ESRP2: variants seen among roughly 807,000 people sequenced by gnomAD.
ESRP2 encodes RNA binding motif protein 35A.
Under a neutral mutation model 78.6 loss-of-function variants are expected in ESRP2, and 48 were observed. The ratio of observed to expected loss-of-function variants is 0.61; its 90% CI spans 0.48 to 0.78. ESRP2 has a LOEUF of 0.78. Among genes scored for constraint, ESRP2 ranks in the 30% least tolerant of loss-of-function variants. ESRP2 has a pLI of 0.00. For missense variants in ESRP2, 863 were observed against 965.9 expected (o/e 0.89, Z 1.41); for synonymous variants, 383 against 406.7 (o/e 0.94, Z 0.70).
In ESRP2 at chr16:68,233,629, CGAA is replaced by C. The variant is rs941033872; in HGVS notation, c.556+136_556+138del. 66 of 754,392 alleles carry C rather than the reference CGAA, an allele frequency of 8.7e-5. No homozygotes were observed. In the African/African-American group the frequency reaches 1.1e-3, roughly 13 times the overall value. The allele number at this position is 754,392 out of a possible 1,614,324, so 46.7% of individuals were successfully genotyped here. ...TTCCAAACTCATCCTAGCACAGACA[CGAA>C]GACACAGTACACTCAGGGACTTAGC... On this transcript the variant is annotated intron_variant, in intron 4 of 14. Coordinates refer to ENST00000473183, the MANE Select transcript of ESRP2 (RefSeq NM_024939.3).
In ESRP2 at chr16:68,231,409, G is replaced by T. The variant is rs1487164608; in HGVS notation, c.1513-33C>A. ...CACCATCTTGTGAGCAGTTTGTCAT[G>T]TGTAAGAGTGCCTTACCCCTAACAC... On this transcript the variant is annotated intron_variant, in intron 11 of 14. Transcript: ENST00000473183. This position sits in a 1 kb window ranked among gnomAD's most constrained non-coding sequence, Gnocchi z 6.0. 3.1e-6 allele frequency: 5 copies of T among 1,613,960 alleles called. No homozygotes were observed. The South Asian group carries it at 5.5e-5, about 18-fold the overall frequency.
chr16:68,230,739 T>A, intron 13 of ESRP2, 102 bp downstream of exon 13: 1 of 1,497,574 alleles, frequency 6.7e-7, no homozygotes, highest in Non-Finnish European at 9.1e-7. Context: ...TACTCCCTTG[T>A]CATCTCAAGG....
In ESRP2 at chr16:68,232,605, G is replaced by C; in HGVS notation, c.793C>G (p.Arg265Gly). 6.2e-7 allele frequency: 1 copy of C among 1,614,106 alleles called. No homozygotes were observed. The highest frequency in any genetic ancestry group is 8.5e-7 in the Non-Finnish European group (1 of 1,180,032). The change falls in exon 7 of 15, where the codon CGC becomes GGC. Residue 265 changes from arginine to glycine, a missense_variant. Transcript: ENST00000473183. This position sits in a 1 kb window ranked among gnomAD's most constrained non-coding sequence, Gnocchi z 5.2. ...PWQSSDQDVARFFKGLNVARG... is the reference protein window; with the variant it reads ...PWQSSDQDVAGFFKGLNVARG... ...GCCACGTTGAGCCCTTTGAAGAAGCGAGCCACGTCCTGGTCTGATGACTGC... is the reference window on the plus strand; with the variant it reads ...GCCACGTTGAGCCCTTTGAAGAAGCCAGCCACGTCCTGGTCTGATGACTGC...
At chr16:68,233,642 C>A in intron 4 of ESRP2, 126 bp downstream of exon 4, 1 of 777,464 alleles carries the variant, frequency 1.3e-6, no homozygotes, top group Non-Finnish European at 2.2e-6. Flanking sequence ...AGACACAGTA[C>A]ACTCAGGGAC....
chr16:68,233,849 A>G lies in ESRP2; in HGVS notation c.475T>C (p.Tyr159His), dbSNP rs768485482. The change falls in exon 4 of 15, where the codon TAT (tyrosine) becomes CAT (histidine). Residue 159 changes from tyrosine to histidine, a missense_variant. Coordinates refer to ENST00000473183, the MANE Select transcript of ESRP2 (RefSeq NM_024939.3). ...ATATGGAATTCTCTTCGGAGGTCAT[A>G]GAAGGAGAAGAACATGTCGGGGAGC... is the stretch of plus-strand genomic sequence containing the variant. Reference protein sequence around the residue: ...LVLPDMFFSFYDLRREFHMQH... With the variant: ...LVLPDMFFSFHDLRREFHMQH... 1 of 1,614,122 alleles carries G rather than the reference A, an allele frequency of 6.2e-7. No individual in the cohort carries two copies. The highest frequency in any genetic ancestry group is 1.7e-5 in the Admixed American group (1 of 60,030).
intron 2 of ESRP2, chr16:68,234,488 G>A (rs1237979049): frequency 5.7e-6 from 1 of 176,022 alleles, no homozygotes; most frequent in Non-Finnish European, 1.2e-5. Context: ...GACAGGTGGG[G>A]GAGGCCCAGG....
At position 68,232,579 on chromosome 16, in the gene ESRP2, G is replaced by A. The variant is rs555698764; in HGVS notation, c.819C>T (p.Ala273=). 2 of 1,614,046 alleles carry A rather than the reference G, an allele frequency of 1.2e-6. No individual in the cohort carries two copies. The highest frequency in any genetic ancestry group is 4.5e-5 in the East Asian group (2 of 44,850). The part of the protein sequence containing the change: ...VARFFKGLNV[A]RGGVALCLNA... ...CCCACCCACCCTGCCACACCCACCT[G>A]GCCACGTTGAGCCCTTTGAAGAAGC... The change falls in exon 7 of 15, where the codon GCC becomes GCT. Residue 273 remains alanine, a splice_region_variant and synonymous_variant. Transcript: ENST00000473183. This position sits in a 1 kb window ranked among gnomAD's most constrained non-coding sequence, Gnocchi z 5.2.
In ESRP2 at chr16:68,231,826, C is replaced by T. The variant is rs1163925156; in HGVS notation, c.1275G>A (p.Arg425=). The change falls in exon 10 of 15, where the codon CGG becomes CGA. Residue 425 remains arginine (R), a synonymous_variant. Transcript: ENST00000473183. The surrounding 1 kb of genome is among the most constrained non-coding windows in gnomAD (Gnocchi z 6.0). ...MLGKRYIELF[R]STAAEVQQVL... is the part of the protein sequence containing the mutation. ...CCTGCTGCACTTCGGCTGCAGTGCT[C>T]CGGAAGAGTTCAATGTATCGCTTAC... is the stretch of plus-strand genomic sequence containing the variant. 6.2e-7 allele frequency: 1 copy of T among 1,612,584 alleles called. No individual in the cohort carries two copies. Among genetic ancestry groups the T allele is most frequent in the South Asian group, 1.1e-5 (1 of 91,040 alleles).
chr16:68,232,047 G>A lies in ESRP2; in HGVS notation c.1054C>T (p.Leu352=). The change falls in exon 10 of 15, where the codon CTG becomes TTG. Residue 352 remains leucine, a synonymous_variant. Transcript: ENST00000473183. This position sits in a 1 kb window ranked among gnomAD's most constrained non-coding sequence, Gnocchi z 5.2. ...CCAGCCGAGAAGGGCAGTCCCCGCA[G>A]CCGCAGGATCACTTGGTCTTCCCGT... ...LSREDQVILR[L]RGLPFSAGPT... is the part of the protein sequence containing the mutation. 6.2e-7 allele frequency: 1 copy of A among 1,614,036 alleles called. No individual in the cohort carries two copies. The highest frequency in any genetic ancestry group is 8.5e-7 in the Non-Finnish European group (1 of 1,179,986).
rs560034093 is a variant in ESRP2, at chr16:68,236,091, G to GGCGC, written c.-50_-47dup. On this transcript the variant is annotated 5_prime_UTR_variant, in exon 1 of 15. Coordinates refer to ENST00000473183, the MANE Select transcript of ESRP2 (RefSeq NM_024939.3). This position sits in a 1 kb window ranked among gnomAD's most constrained non-coding sequence, Gnocchi z 5.2. ...CTCGGCCAGACACGCGGACCGACGA[G>GGCGC]GCGCACGCACGCACCGACCGACCGC... 3.5e-5 allele frequency: 48 copies of GGCGC among 1,390,790 alleles called. No individual in the cohort carries two copies. The African/African-American group carries it at 5.8e-4, about 17-fold the overall frequency. 86.2% of individuals were successfully genotyped at this position (1,390,790 alleles called of 1,614,324 possible).
rs761396911 is a variant in ESRP2 at position 68,231,034 on chromosome 16, A to G, written c.1712-7T>C. On this transcript the variant is annotated splice_polypyrimidine_tract_variant and splice_region_variant and intron_variant, in intron 12 of 14. Coordinates refer to ENST00000473183, the MANE Select transcript of ESRP2 (RefSeq NM_024939.3). The surrounding 1 kb of genome is among the most constrained non-coding windows in gnomAD (Gnocchi z 6.0). ...TAGGTAGGTGGTGAGAGGCCTAGAG[A>G]CGGAAGTAGAAAGTGCATGTGCACG... The G allele has an allele frequency of 1.9e-6, 3 of 1,588,104 alleles. No homozygotes were observed. The highest frequency in any genetic ancestry group is 4.5e-5 in the East Asian group (2 of 44,674).
intron 2 of ESRP2, 52 bp from the exon 3 acceptor site, chr16:68,234,159 G>T (rs756883739): frequency 5.7e-6 from 8 of 1,406,424 alleles, no homozygotes; most frequent in Non-Finnish European, 6.9e-6. Flanking sequence ...AGCTGGGCAG[G>T]CAGGAAGTGA....
intron 5 of ESRP2, 138 bp downstream of exon 5, chr16:68,233,189 A>C: frequency 1.6e-6 from 1 of 637,232 alleles, no homozygotes; most frequent in Non-Finnish European, 2.7e-6. Flanking sequence ...ACAGAGGGAG[A>C]CTGTCTCAAA....
chr16:68,231,162 C>T lies in ESRP2; in HGVS notation c.1711+16G>A. The stretch of plus-strand genomic sequence containing the variant: ...TACCACAGGCCTCCTCCTCCCCTAG[C>T]CCCTAGGGCACTCACAGGGCAGCTT... On this transcript the variant is annotated intron_variant, in intron 12 of 14. Coordinates refer to ENST00000473183, the MANE Select transcript of ESRP2 (RefSeq NM_024939.3). The surrounding 1 kb of genome is among the most constrained non-coding windows in gnomAD (Gnocchi z 6.0). The T allele has an allele frequency of 2.5e-6, 4 of 1,612,752 alleles. No individual in the cohort carries two copies. The highest frequency in any genetic ancestry group is 3.4e-6 in the Non-Finnish European group (4 of 1,179,802).
Position 68,231,686 on chromosome 16 carries a change from G to T in ESRP2, c.1308C>A (p.Asn436Lys). 1 of 1,604,882 alleles carries T rather than the reference G, an allele frequency of 6.2e-7. No homozygotes were observed. The highest frequency in any genetic ancestry group is 8.5e-7 in the Non-Finnish European group (1 of 1,173,628). ...STAAEVQQVL[N>K]RYASGPLLPT... ...GAAGGAGTGGGCCGGATGCATAGCG[G>T]TTCAAGACCTAGTAAGGAAGGCAGC... Residue 436 changes from asparagine (N) to lysine (K), a missense_variant, in exon 11 of 15, where the codon AAC becomes AAA. Asn to Lys is a moderately conservative substitution (Grantham distance 94, BLOSUM62 0). Transcript: ENST00000473183. The surrounding 1 kb of genome is among the most constrained non-coding windows in gnomAD (Gnocchi z 6.0).
rs772273995 is a variant in ESRP2, at chr16:68,235,616, A to C, written c.327+18T>G. ...GTCCTCACGTCCAGGCCATGCCGCC[A>C]CCCACCCCGGCGCTCACCTGCTGCA... On this transcript the variant is annotated intron_variant, in intron 2 of 14. Coordinates refer to ENST00000473183, the MANE Select transcript of ESRP2 (RefSeq NM_024939.3). The surrounding 1 kb of genome is among the most constrained non-coding windows in gnomAD (Gnocchi z 5.5). The C allele has an allele frequency of 2.5e-6, 4 of 1,596,238 alleles. No individual in the cohort carries two copies. In the Admixed American group the frequency reaches 6.7e-5, roughly 27 times the overall value.
In ESRP2 at chr16:68,236,030, G is replaced by A; in HGVS notation, c.16C>T (p.Pro6Ser). Residue 6 changes from proline to serine, a missense_variant, in exon 1 of 15, where the codon CCG becomes TCG. Pro to Ser is a moderately conservative substitution (Grantham distance 74, BLOSUM62 -1). Coordinates refer to ENST00000473183, the MANE Select transcript of ESRP2 (RefSeq NM_024939.3). This position sits in a 1 kb window ranked among gnomAD's most constrained non-coding sequence, Gnocchi z 5.2. Reference sequence around the variant, plus strand: ...TCAGGGCCCGGGGGAGGGGGCGGCGGCGGCGGCGGAGTCATGGCCGCAGAG... The same window carrying A: ...TCAGGGCCCGGGGGAGGGGGCGGCGACGGCGGCGGAGTCATGGCCGCAGAG... MTPPPPPPPPPGPDPA... is the reference protein window; with the variant it reads MTPPPSPPPPPGPDPA... The A allele has an allele frequency of 6.9e-7, 1 of 1,457,938 alleles. No individual in the cohort carries two copies. The highest frequency in any genetic ancestry group is 9.0e-7 in the Non-Finnish European group (1 of 1,116,112). The allele number at this position is 1,457,938 out of a possible 1,614,324, so 90.3% of individuals were successfully genotyped here. A position where few individuals can be genotyped will look rare whatever the true frequency, so the allele number is the denominator to read the frequency against.
chr16:68,234,105 G>A lies in ESRP2; in HGVS notation c.330C>T (p.Phe110=). ...AEPLDKVLQQ[F]SQLVNGDVAL... is the part of the protein sequence containing the mutation. ...CCACATCCCCGTTCACCAGCTGTGA[G>A]AACTGGGGATAGGGAATGGGGAGAG... The change falls in exon 3 of 15, where the codon TTC becomes TTT. Residue 110 remains phenylalanine, a splice_region_variant and synonymous_variant. Transcript: ENST00000473183. 1 of 1,607,946 alleles carries A rather than the reference G, an allele frequency of 6.2e-7. No homozygotes were observed. Among genetic ancestry groups the A allele is most frequent in the Non-Finnish European group, 8.5e-7 (1 of 1,176,734 alleles).
At chr16:68,233,255 G>T in intron 5 of ESRP2, 72 bp downstream of exon 5, 2 of 1,045,650 alleles carry the variant, frequency 1.9e-6, no homozygotes, top group East Asian at 2.4e-5. Flanking sequence ...CTTAGAGAAG[G>T]TCACAGTGGG....
Sources: allele counts gnomAD v4.1 joint callset, GRCh38; gene constraint gnomAD v4.1.1; non-coding constraint Gnocchi (gnomAD v3.1); transcripts MANE v1.5; gene names NCBI Gene and HGNC (gene_info 2026-07-23, HGNC 2026-07-21).